PTPRM: variants seen among roughly 807,000 people sequenced by gnomAD.
PTPRM encodes protein tyrosine phosphatase receptor type M, also known as receptor-type tyrosine-protein phosphatase mu.
PTPRM carries 47 observed loss-of-function variants against 186.7 expected under a neutral mutation model. That is an observed-to-expected ratio of 0.25 (90% CI 0.20 to 0.32). The LOEUF (loss-of-function observed/expected upper bound fraction) is 0.32, where lower values mean the gene tolerates loss of function less well. Among genes scored for constraint, PTPRM ranks in the 10% least tolerant of loss-of-function variants. PTPRM has a pLI of 1.00. For synonymous variants in PTPRM, 668 were observed against 674.9 expected, an observed-to-expected ratio of 0.99 and a Z score of 0.16; for missense variants, 1,494 against 1,865.0, an observed-to-expected ratio of 0.80 and a Z score of 3.66.
intron 2 of PTPRM, among the ~76,000 whole-genome samples, chr18:7,781,854 G>A (rs2042871849): frequency 6.6e-6 from 1 of 152,152 alleles, no homozygotes; most frequent in Admixed American, 6.5e-5. Context: ...CCCAAGAAAT[G>A]AAAATTGAGT....
intron 7 of PTPRM, among the ~76,000 whole-genome samples, chr18:7,982,853 G>C (rs562785530): frequency 3.9e-5 from 6 of 152,062 alleles, no homozygotes; most frequent in Non-Finnish European, 1.5e-5. Flanking sequence ...GTTATGTGGC[G>C]TGTGATGGTG....
At chr18:8,219,926 T>A (rs1238052392) in intron 14 of PTPRM, among the ~76,000 whole-genome samples, 1 of 152,164 alleles carries the variant, frequency 6.6e-6, no homozygotes, top group Admixed American at 6.5e-5. Context: ...AATCTTATGA[T>A]CTCTATTTTA....
chr18:8,287,732 C>G (rs141107758), intron 19 of PTPRM, among the ~76,000 whole-genome samples: 181 of 152,280 alleles, frequency 1.2e-3, no homozygotes, highest in African/African-American at 4.1e-3. Context: ...GTGTGAACCT[C>G]CCAAACTCTG....
intron 22 of PTPRM, among the ~76,000 whole-genome samples, chr18:8,338,372 T>TAAAAAA (rs5823000): frequency 1.4e-5 from 2 of 148,076 alleles, no homozygotes; most frequent in African/African-American, 2.5e-5. Context: ...TTGTAATGCT[T>TAAAAAA]AAAAAAAAAA....
At position 8,070,008 on chromosome 18, in the gene PTPRM, AATG is replaced by A. The variant is rs1430242943; in HGVS notation, c.1441+17_1441+19del. 7 of 1,598,418 alleles carry A rather than the reference AATG, an allele frequency of 4.4e-6. No homozygotes were observed. The African/African-American group carries it at 6.7e-5, about 15-fold the overall frequency. ...CAGATGAAGACCGTGAGTACCTTTG[AATG>A]ATATGTTTGTGTAAAACATGTTCTT... On this transcript the variant is annotated intron_variant, in intron 8 of 32. Transcript: ENST00000580170.
intron 14 of PTPRM, among the ~76,000 whole-genome samples, chr18:8,201,580 G>A (rs779319311): frequency 3.9e-5 from 6 of 152,196 alleles, no homozygotes; most frequent in Non-Finnish European, 5.9e-5. Flanking sequence ...AATTTTTCAC[G>A]GTTCTGGAGG....
intron 7 of PTPRM, among the ~76,000 whole-genome samples, chr18:8,029,911 A>G (rs1048496769): frequency 6.6e-6 from 1 of 152,182 alleles, no homozygotes; most frequent in Admixed American, 6.5e-5. Flanking sequence ...GCCTGTCTGC[A>G]TGCCTCGGCC....
chr18:8,033,485 T>C (rs1161967010), intron 7 of PTPRM, among the ~76,000 whole-genome samples: 1 of 152,200 alleles, frequency 6.6e-6, no homozygotes, highest in African/African-American at 2.4e-5. Context: ...TAGAGCCAAC[T>C]ACACACCCAG....
At chr18:7,935,836 G>A (rs1432391433) in intron 5 of PTPRM, among the ~76,000 whole-genome samples, 1 of 152,080 alleles carries the variant, frequency 6.6e-6, no homozygotes, top group Non-Finnish European at 1.5e-5. Context: ...CCACCCTAAA[G>A]TAGACCCTGT....
intron 3 of PTPRM, among the ~76,000 whole-genome samples, chr18:7,905,152 T>A (rs571065162): frequency 1.1e-4 from 17 of 152,148 alleles, no homozygotes; most frequent in African/African-American, 3.9e-4. Flanking sequence ...TGCCACCACG[T>A]CCACCTAATT....
chr18:7,992,918 T>C (rs189840946), intron 7 of PTPRM, among the ~76,000 whole-genome samples: 90 of 152,190 alleles, frequency 5.9e-4, no homozygotes, highest in African/African-American at 1.6e-3. Flanking sequence ...CAGTGAATGA[T>C]GGCAGTAGTA....
intron 4 of PTPRM, among the ~76,000 whole-genome samples, chr18:7,908,668 A>T (rs1174079062): frequency 2.0e-5 from 3 of 152,220 alleles, no homozygotes; most frequent in Non-Finnish European, 2.9e-5. Context: ...GTGTCATGTT[A>T]CATTTGTCTT....
intron 1 of PTPRM, among the ~76,000 whole-genome samples, chr18:7,733,235 T>A (rs1388126114): frequency 6.6e-6 from 1 of 152,068 alleles, no homozygotes; most frequent in African/African-American, 2.4e-5. Flanking sequence ...CCCTTTTCCC[T>A]TGCCCCCCAC....
chr18:8,319,151 C>G (rs749314213), intron 21 of PTPRM, 27 bp from the exon 22 acceptor site: 4 of 1,457,842 alleles, frequency 2.7e-6, no homozygotes, highest in East Asian at 4.6e-5. Flanking sequence ...TTATGTTTAT[C>G]AAATATTCTC....
chr18:8,204,592 C>T (rs2093901183), intron 14 of PTPRM, among the ~76,000 whole-genome samples: 1 of 151,976 alleles, frequency 6.6e-6, no homozygotes. Context: ...TGACAGCTGC[C>T]TCCACAAGGA....
chr18:8,339,873 T>C (rs1333439480), intron 22 of PTPRM, among the ~76,000 whole-genome samples: 1 of 152,084 alleles, frequency 6.6e-6, no homozygotes, highest in Non-Finnish European at 1.5e-5. Context: ...TGAGTAATAC[T>C]TGAGATCTTG....
chr18:8,195,348 G>C (rs2093762992), intron 14 of PTPRM, among the ~76,000 whole-genome samples: 1 of 151,998 alleles, frequency 6.6e-6, no homozygotes, highest in African/African-American at 2.4e-5. Context: ...TGTTAGGATG[G>C]ATGTGTGGAT....
At chr18:7,954,045 GT>G (rs2053152640) in intron 6 of PTPRM, among the ~76,000 whole-genome samples, 1 of 152,118 alleles carries the variant, frequency 6.6e-6, no homozygotes, top group Admixed American at 6.6e-5. Flanking sequence ...GAAATACGTT[GT>G]TTTGTACAAT....
intron 1 of PTPRM, among the ~76,000 whole-genome samples, chr18:7,590,552 A>G (rs991228088): frequency 1.3e-5 from 2 of 152,250 alleles, no homozygotes; most frequent in African/African-American, 4.8e-5. Context: ...CATTATTTGG[A>G]GAAGTAAAAA....
Sources: gnomAD v4.1 joint callset for allele counts (sites outside exome capture counted in the v4.1 genomes callset) on GRCh38, gnomAD v4.1.1 for gene constraint, MANE v1.5 for transcripts, NCBI Gene and HGNC (gene_info 2026-07-23, HGNC 2026-07-21) for gene names.